Variants in IQSEC2 observed in about 807,000 individuals in gnomAD.
The protein encoded by IQSEC2 is IQ motif and Sec7 domain ArfGEF 2, also known as IQ motif and SEC7 domain-containing protein 2.
A neutral mutation model predicts 74.6 loss-of-function variants in IQSEC2; 6 were observed. The observed-to-expected ratio is 0.08, with a 90% CI of 0.04 to 0.16. The LOEUF is 0.16. Among genes scored for constraint, IQSEC2 ranks in the 10% least tolerant of loss-of-function variants. The pLI, the probability that IQSEC2 is intolerant of heterozygous loss-of-function variation, is 1.00. For synonymous variants in IQSEC2, 494 were observed against 544.5 expected, an observed-to-expected ratio of 0.91 and a Z score of 1.29; for missense variants, 734 against 1,306.2, an observed-to-expected ratio of 0.56 and a Z score of 6.75.
intron 8 of IQSEC2, 44 bp downstream of exon 8, chrX:53,246,925 T>C (rs2074316500): frequency 2.6e-6 from 3 of 1,152,315 alleles, no homozygotes; most frequent in Non-Finnish European, 3.6e-6. Flanking sequence ...CCCCCCACTT[T>C]CCCTTTCCAG....
chrX:53,264,760 T>C (rs782777780), intron 2 of IQSEC2, among the ~76,000 whole-genome samples: 1 of 108,283 alleles, frequency 9.2e-6, no homozygotes, highest in South Asian at 4.2e-4. Context: ...CACCTTGACA[T>C]CTCCTTCCTC....
chrX:53,236,561 C>T, intron 12 of IQSEC2, 66 bp from the exon 13 acceptor site: 1 of 1,077,655 alleles, frequency 9.3e-7, no homozygotes, highest in Non-Finnish European at 1.3e-6. Flanking sequence ...ATCTGACTGA[C>T]CCTAGCCCTC....
At chrX:53,256,484 C>A (rs2074469959) in intron 2 of IQSEC2, among the ~76,000 whole-genome samples, 1 of 110,719 alleles carries the variant, frequency 9.0e-6, no homozygotes, top group Non-Finnish European at 1.9e-5. Flanking sequence ...GTCCCCAACG[C>A]AGTGCTCGCT....
intron 2 of IQSEC2, chrX:53,267,044 TC>T: frequency 9.8e-7 from 1 of 1,023,976 alleles, no homozygotes. Context: ...TTCCTCAGTC[TC>T]CTCCTCCTCC....
chrX:53,235,745 T>C, intron 14 of IQSEC2, 38 bp downstream of exon 14: 1 of 1,157,203 alleles, frequency 8.6e-7, no homozygotes, highest in Non-Finnish European at 1.2e-6. Flanking sequence ...GGGGCAGGGC[T>C]CATGCAGAGG....
rs376739885 is a variant in IQSEC2, at chrX:53,247,091, C to T, written c.2627G>A (p.Arg876Gln). ...VCNPALVRQF[R>Q]NPDTIFILAF... is the part of the protein sequence containing the mutation. Reference sequence around the variant, plus strand: ...AAGGATGAAGATGGTGTCTGGGTTCCGGAACTGGCGCACGAGGGCTGGGTT... The same window carrying T: ...AAGGATGAAGATGGTGTCTGGGTTCTGGAACTGGCGCACGAGGGCTGGGTT... Residue 876 changes from arginine (R) to glutamine (Q), a missense_variant, in exon 8 of 15, where the codon CGG becomes CAG. Arg to Gln is a conservative substitution (Grantham distance 43, BLOSUM62 1). Transcript: ENST00000642864. 4 of 1,208,808 alleles carry T rather than the reference C, an allele frequency of 3.3e-6. No individual in the cohort carries two copies. The highest frequency in any genetic ancestry group is 3.0e-5 in the East Asian group (1 of 33,754).
chrX:53,302,132 C>T (rs1242929379), intron 1 of IQSEC2, among the ~76,000 whole-genome samples: 1 of 112,096 alleles, frequency 8.9e-6, no homozygotes, highest in Non-Finnish European at 1.9e-5. Flanking sequence ...TATGTGATAA[C>T]ATTGGAAAAT....
chrX:53,293,108 C>A (rs1202999200), intron 1 of IQSEC2, among the ~76,000 whole-genome samples: 1 of 112,090 alleles, frequency 8.9e-6, no homozygotes, highest in African/African-American at 3.2e-5. Flanking sequence ...GGGAGAGGAG[C>A]AGGTGGGCCT....
chrX:53,278,037 G>A (rs1323499602), intron 2 of IQSEC2, among the ~76,000 whole-genome samples: 1 of 66,398 alleles, frequency 1.5e-5, no homozygotes, highest in African/African-American at 6.3e-5. Context: ...TTGAGACGGA[G>A]TCTCACTCTG....
intron 2 of IQSEC2, among the ~76,000 whole-genome samples, chrX:53,269,486 G>A (rs973835351): frequency 1.0e-4 from 11 of 110,206 alleles, no homozygotes; most frequent in South Asian, 3.9e-4. Context: ...TCCCTCCTGC[G>A]TTTTCAACCT....
rs1556859231 is a variant in IQSEC2 at position 53,234,963 on chromosome X, G to A, written c.3723C>T (p.His1241=). ...TATGGCCATGATGGTGGTGGTGGTG[G>A]TGGTGGTGCGTGGAAGAAGCAGATG... ...SSSSASSTHH[H]HHHHHHGHSH... The change falls in exon 15 of 15, where the codon CAC becomes CAT. Residue 1241 remains histidine (H), a synonymous_variant. Transcript: ENST00000642864. The A allele has an allele frequency of 1.7e-6, 2 of 1,167,666 alleles. No homozygotes were observed. The highest frequency in any genetic ancestry group is 2.6e-5 in the Admixed American group (1 of 38,799).
rs782510237 is a variant in IQSEC2, at chrX:53,245,444, A to T, written c.2749+1525T>A. Reference sequence around the variant, plus strand: ...CCCTGTCTCTAAAAATAAAAAAAAAAAAAACAAATAAAATAAAAAAACAGA... The same window carrying T: ...CCCTGTCTCTAAAAATAAAAAAAAATAAAACAAATAAAATAAAAAAACAGA... On this transcript the variant is annotated intron_variant, in intron 8 of 14. Transcript: ENST00000642864. Among the ~76,000 whole-genome samples, 394 of 108,656 alleles carry T rather than the reference A, an allele frequency of 3.6e-3. 5 individuals are homozygous for T. Among genetic ancestry groups the T allele is most frequent in the African/African-American group, 0.013 (384 of 29,913 alleles). The allele number at this position is 108,656 out of a possible 115,157, so 94.4% of individuals were successfully genotyped here.
intron 5 of IQSEC2, among the ~76,000 whole-genome samples, chrX:53,249,610 G>A (rs1402710196): frequency 3.6e-5 from 4 of 112,502 alleles, no homozygotes; most frequent in African/African-American, 9.7e-5. Context: ...AGGTGGCAGT[G>A]TTTAATAAGC....
chrX:53,296,081 G>T (rs1265697359), intron 1 of IQSEC2, among the ~76,000 whole-genome samples: 1 of 108,011 alleles, frequency 9.3e-6, no homozygotes, highest in East Asian at 2.9e-4. Flanking sequence ...CTGTCACCAG[G>T]CTGGAGTGCA....
chrX:53,252,207 C>T (rs1044794376), intron 4 of IQSEC2, among the ~76,000 whole-genome samples: 25 of 110,666 alleles, frequency 2.3e-4, no homozygotes, highest in Middle Eastern at 4.7e-3. Flanking sequence ...ATTACAGGTG[C>T]GCACCACCAT....
intron 1 of IQSEC2, among the ~76,000 whole-genome samples, chrX:53,297,734 T>C (rs782788093): frequency 8.9e-5 from 10 of 111,968 alleles, no homozygotes; most frequent in Admixed American, 2.9e-4. Context: ...CTTTGACATA[T>C]CAGGTAATCC....
chrX:53,275,616 ACT>A (rs2074817070), intron 2 of IQSEC2, among the ~76,000 whole-genome samples: 2 of 110,692 alleles, frequency 1.8e-5, no homozygotes, highest in African/African-American at 6.6e-5. Flanking sequence ...TTGTGTCTAA[ACT>A]CTCTATTTTG....
At chrX:53,265,280 A>C (rs2074637367) in intron 2 of IQSEC2, among the ~76,000 whole-genome samples, 1 of 110,377 alleles carries the variant, frequency 9.1e-6, no homozygotes, top group Non-Finnish European at 1.9e-5. Context: ...GTTCTAGGAA[A>C]CCTAGAGGTT....
At chrX:53,263,784 C>T (rs1440618321) in intron 2 of IQSEC2, among the ~76,000 whole-genome samples, 1 of 111,662 alleles carries the variant, frequency 9.0e-6, no homozygotes, top group Non-Finnish European at 1.9e-5. Flanking sequence ...TATGCATACC[C>T]ATATTATCAC....
Sources: allele counts gnomAD v4.1 joint callset (sites outside exome capture counted in the v4.1 genomes callset), GRCh38; gene constraint gnomAD v4.1.1; transcripts MANE v1.5; gene names NCBI Gene and HGNC (gene_info 2026-07-23, HGNC 2026-07-21).